The following PDE4D variants were observed in gnomAD, a reference collection of about 807,000 sequenced individuals.
The protein encoded by PDE4D is phosphodiesterase 4D.
In PDE4D, 24 loss-of-function variants were observed where a neutral mutation model predicts 87.4. The ratio of observed to expected loss-of-function variants is 0.27; its 90% CI spans 0.20 to 0.39. The LOEUF (loss-of-function observed/expected upper bound fraction) is 0.39. PDE4D is among the 10% of genes least tolerant of loss of function. PDE4D has a pLI of 1.00. For synonymous variants in PDE4D, 384 were observed against 383.2 expected, an observed-to-expected ratio of 1.00 and a Z score of -0.02; for missense variants, 714 against 1,041.0, an observed-to-expected ratio of 0.69 and a Z score of 4.32.
chr5:60,327,255 C>T (rs939300040), intron 1 of PDE4D, among the ~76,000 whole-genome samples: 15 of 152,074 alleles, frequency 9.9e-5, no homozygotes, highest in African/African-American at 2.7e-4. Flanking sequence ...CAAAGAGAGG[C>T]AATTGTGGAA....
intron 1 of PDE4D, among the ~76,000 whole-genome samples, chr5:60,228,182 C>T (rs769263835): frequency 1.3e-5 from 2 of 152,062 alleles, no homozygotes; most frequent in South Asian, 2.1e-4. Flanking sequence ...TTCCCTCTAC[C>T]ATTTATAATA....
chr5:60,138,356 C>T (rs1358539691), intron 2 of PDE4D, among the ~76,000 whole-genome samples: 2 of 152,100 alleles, frequency 1.3e-5, no homozygotes, highest in South Asian at 2.1e-4. Flanking sequence ...AGGAAGAATG[C>T]TGTGGCATAT....
chr5:59,586,231 T>G, intron 1 of PDE4D: 1 of 887,508 alleles, frequency 1.1e-6, no homozygotes. Context: ...TCTCACTTGA[T>G]ACCAATACTC....
At chr5:59,790,485 C>T (rs1282776097) in intron 1 of PDE4D, among the ~76,000 whole-genome samples, 1 of 152,144 alleles carries the variant, frequency 6.6e-6, no homozygotes, top group East Asian at 1.9e-4. Context: ...GCTACAAAAT[C>T]GCTGTAGACT....
At chr5:60,445,772 T>A (rs545062468) in intron 1 of PDE4D, among the ~76,000 whole-genome samples, 17 of 152,212 alleles carry the variant, frequency 1.1e-4, no homozygotes, top group South Asian at 4.2e-4. Context: ...CATAAACACA[T>A]TTTAAAGGGC....
intron 1 of PDE4D, among the ~76,000 whole-genome samples, chr5:60,464,464 G>A (rs1281622967): frequency 6.6e-6 from 1 of 152,136 alleles, no homozygotes; most frequent in Admixed American, 6.5e-5. Context: ...GCAAAAATCA[G>A]CTAAGTCAGC....
At chr5:60,465,742 G>A (rs967699299) in intron 1 of PDE4D, among the ~76,000 whole-genome samples, 7 of 151,982 alleles carry the variant, frequency 4.6e-5, no homozygotes, top group African/African-American at 1.7e-4. Flanking sequence ...ATCCTACCAA[G>A]AATCATAGCT....
intron 1 of PDE4D, chr5:59,587,339 T>C (rs1189841552): frequency 1.7e-6 from 1 of 594,630 alleles, no homozygotes; most frequent in African/African-American, 2.0e-5. Flanking sequence ...TTTCTTTTTT[T>C]TCCTCTCTCA....
intron 1 of PDE4D, among the ~76,000 whole-genome samples, chr5:59,626,862 C>T (rs1040688191): frequency 2.0e-5 from 3 of 152,156 alleles, no homozygotes; most frequent in Non-Finnish European, 4.4e-5. Flanking sequence ...CTATTGCTTC[C>T]TATGCCTCAA....
intron 2 of PDE4D, among the ~76,000 whole-genome samples, chr5:60,005,150 G>A (rs1365110751): frequency 1.3e-5 from 2 of 152,064 alleles, no homozygotes; most frequent in Admixed American, 6.6e-5. Flanking sequence ...TGCCATTTGA[G>A]AAAACATGGA....
chr5:60,294,883 A>G (rs771469014), intron 1 of PDE4D, among the ~76,000 whole-genome samples: 114 of 152,172 alleles, frequency 7.5e-4, no homozygotes, highest in Middle Eastern at 3.6e-3. Context: ...TAAGCTTGTC[A>G]ATTCCTATAA....
chr5:59,122,124 A>G (rs1453846451), intron 5 of PDE4D, among the ~76,000 whole-genome samples: 1 of 133,220 alleles, frequency 7.5e-6, no homozygotes, highest in Non-Finnish European at 1.6e-5. Context: ...CCTGGATGAC[A>G]GAGCAAGACT....
At chr5:60,063,879 T>C (rs1771761001) in intron 2 of PDE4D, among the ~76,000 whole-genome samples, 1 of 152,088 alleles carries the variant, frequency 6.6e-6, no homozygotes, top group Non-Finnish European at 1.5e-5. Context: ...GCATGGATTT[T>C]GACAGATGAC....
At chr5:60,202,668 T>C (rs1182568823) in intron 1 of PDE4D, among the ~76,000 whole-genome samples, 1 of 151,328 alleles carries the variant, frequency 6.6e-6, no homozygotes, top group Admixed American at 6.6e-5. Context: ...AAAGGATAAA[T>C]TAAAAATTTT....
chr5:59,554,987 A>T (rs1295239673), intron 1 of PDE4D, among the ~76,000 whole-genome samples: 1 of 152,190 alleles, frequency 6.6e-6, no homozygotes, highest in African/African-American at 2.4e-5. Context: ...TCAACTCAGC[A>T]GTCCCATTCC....
At chr5:59,461,006 C>A (rs1426068369) in intron 1 of PDE4D, among the ~76,000 whole-genome samples, 1 of 152,102 alleles carries the variant, frequency 6.6e-6, no homozygotes, top group Non-Finnish European at 1.5e-5. Flanking sequence ...CACTTGTCCT[C>A]AAGGCAGGAT....
intron 3 of PDE4D, among the ~76,000 whole-genome samples, chr5:59,188,734 C>T (rs1743508205): frequency 6.6e-6 from 1 of 152,096 alleles, no homozygotes; most frequent in East Asian, 1.9e-4. Context: ...AAGCTGGAGT[C>T]AAGTTATGCT....
chr5:59,771,487 G>A (rs4466124), intron 1 of PDE4D, among the ~76,000 whole-genome samples: 5,244 of 56,028 alleles, frequency 0.094, 222 homozygotes, highest in African/African-American at 0.17. Flanking sequence ...GAAAGAAAGA[G>A]AGAGAGAGAG....
chr5:59,308,672 G>A (rs1771917118), intron 1 of PDE4D, among the ~76,000 whole-genome samples: 2 of 151,680 alleles, frequency 1.3e-5, no homozygotes, highest in African/African-American at 4.8e-5. Flanking sequence ...GGGTTGGGGG[G>A]CGCAATGGGC....
Sources: gnomAD v4.1 joint callset for allele counts (sites outside exome capture counted in the v4.1 genomes callset) on GRCh38, gnomAD v4.1.1 for gene constraint, MANE v1.5 for transcripts, NCBI Gene and HGNC (gene_info 2026-07-23, HGNC 2026-07-21) for gene names.